Variants in KCNAB1 observed in about 807,000 individuals in gnomAD.
KCNAB1 encodes potassium voltage-gated channel subfamily A regulatory beta subunit 1, also known as voltage-gated potassium channel subunit beta-1.
In KCNAB1, 35 loss-of-function variants were observed where a neutral mutation model predicts 64.6. That is an observed-to-expected ratio of 0.54 (90% CI 0.41 to 0.72). The LOEUF (loss-of-function observed/expected upper bound fraction) is 0.72. KCNAB1 is among the 30% of genes least tolerant of loss of function. The pLI is 0.00. For missense variants in KCNAB1, 401 were observed against 512.9 expected (o/e 0.78, Z 2.11); for synonymous variants, 177 against 183.8 (o/e 0.96, Z 0.30).
At chr3:156,464,677 G>T (rs1713224324) in intron 6 of KCNAB1, among the ~76,000 whole-genome samples, 1 of 152,102 alleles carries the variant, frequency 6.6e-6, no homozygotes, top group South Asian at 2.1e-4. Context: ...CTATTTTGTT[G>T]TTGGTTTTGA....
chr3:156,532,518 A>G (rs978588922), intron 13 of KCNAB1, among the ~76,000 whole-genome samples: 10 of 152,356 alleles, frequency 6.6e-5, no homozygotes, highest in African/African-American at 2.4e-4. Flanking sequence ...TGCAACAAGC[A>G]CACAGCCCTG....
intron 1 of KCNAB1, among the ~76,000 whole-genome samples, chr3:156,318,391 T>A (rs2108020203): frequency 6.6e-6 from 1 of 152,250 alleles, no homozygotes; most frequent in East Asian, 1.9e-4. Context: ...TAGGCCTCTA[T>A]GAACCTAAAG....
intron 8 of KCNAB1, among the ~76,000 whole-genome samples, chr3:156,504,052 ATCC>A (rs900503716): frequency 1.4e-4 from 21 of 152,230 alleles, no homozygotes; most frequent in African/African-American, 4.6e-4. Context: ...AACTCTCCGT[ATCC>A]TCCTTTCCCT....
In KCNAB1 at chr3:156,169,227, C is replaced by T. The variant is rs140159614; in HGVS notation, c.275+48341C>T. ...TTAGAATCTTGAGTGCAACAAATGA[C>T]GAATAAAGCTCATTTAGTCTCAATA... On this transcript the variant is annotated intron_variant, in intron 1 of 13. Coordinates refer to ENST00000490337, the MANE Select transcript of KCNAB1 (RefSeq NM_172160.3). Among the ~76,000 whole-genome samples the T allele has an allele frequency of 2.1e-4, 32 of 152,186 alleles. No individual in the cohort carries two copies. In the East Asian group the frequency reaches 3.7e-3, roughly 17 times the overall value.
At chr3:156,488,210 C>A (rs1025868412) in intron 8 of KCNAB1, among the ~76,000 whole-genome samples, 3 of 151,416 alleles carry the variant, frequency 2.0e-5, no homozygotes, top group Non-Finnish European at 4.4e-5. Flanking sequence ...CCCTGTTGGG[C>A]ACATTCTTTC....
chr3:156,436,292 A>G (rs947675276), intron 2 of KCNAB1, among the ~76,000 whole-genome samples: 8 of 152,212 alleles, frequency 5.3e-5, no homozygotes, highest in African/African-American at 1.9e-4. Flanking sequence ...TATATATACC[A>G]GATTTTCTTT....
intron 1 of KCNAB1, among the ~76,000 whole-genome samples, chr3:156,400,436 A>G (rs1435755599): frequency 5.3e-5 from 8 of 152,190 alleles, no homozygotes; most frequent in South Asian, 2.1e-4. Flanking sequence ...CCTTCTTCCA[A>G]TCACAGCCTC....
At chr3:156,217,999 A>G (rs941945989) in intron 1 of KCNAB1, 1 of 152,302 alleles carries the variant, frequency 6.6e-6, no homozygotes, top group Non-Finnish European at 1.5e-5. Context: ...GGGAATCCAC[A>G]GACGCTCTGA....
At chr3:156,346,902 T>C (rs1193623921) in intron 1 of KCNAB1, among the ~76,000 whole-genome samples, 1 of 152,150 alleles carries the variant, frequency 6.6e-6, no homozygotes. Context: ...CATGCCATTG[T>C]CAAAAAACTT....
At chr3:156,222,411 G>A (rs954281921) in intron 1 of KCNAB1, among the ~76,000 whole-genome samples, 1 of 152,098 alleles carries the variant, frequency 6.6e-6, no homozygotes, top group Non-Finnish European at 1.5e-5. Context: ...TAACACTGGA[G>A]CTCCCAAATT....
At chr3:156,160,303 T>C (rs1368134711) in intron 1 of KCNAB1, among the ~76,000 whole-genome samples, 1 of 152,240 alleles carries the variant, frequency 6.6e-6, no homozygotes, top group African/African-American at 2.4e-5. Context: ...TTCTGAACAT[T>C]GACTTGTTTG....
chr3:156,200,034 G>A (rs938320197), intron 1 of KCNAB1, among the ~76,000 whole-genome samples: 7 of 152,182 alleles, frequency 4.6e-5, no homozygotes, highest in African/African-American at 1.7e-4. Flanking sequence ...TGATGCTGAT[G>A]TTATTGCTTT....
chr3:156,378,482 C>G (rs1317400118), intron 1 of KCNAB1, among the ~76,000 whole-genome samples: 1 of 152,196 alleles, frequency 6.6e-6, no homozygotes, highest in Non-Finnish European at 1.5e-5. Context: ...GTTGGCCTAT[C>G]TATCTCCCCT....
At chr3:156,273,719 C>CT (rs1002627806) in intron 1 of KCNAB1, 4 of 450,162 alleles carry the variant, frequency 8.9e-6, no homozygotes, top group African/African-American at 6.0e-5. Context: ...TAGGAAGGTG[C>CT]TTTTTTTGTG....
intron 1 of KCNAB1, among the ~76,000 whole-genome samples, chr3:156,243,907 A>G (rs1016485834): frequency 1.3e-5 from 2 of 152,184 alleles, no homozygotes; most frequent in African/African-American, 4.8e-5. Flanking sequence ...ACAGGCCAAG[A>G]GTGACTCCAA....
In KCNAB1 at chr3:156,537,311, T is replaced by A. The variant is rs996996771; in HGVS notation, c.*564T>A. On this transcript the variant is annotated 3_prime_UTR_variant, in exon 14 of 14. Coordinates refer to ENST00000490337, the MANE Select transcript of KCNAB1 (RefSeq NM_172160.3). ...AATAAGCAGAAATAATTTTATATAT[T>A]TTTTTTCTATTTTCACATTCATACT... 11 of 344,892 alleles carry A rather than the reference T, an allele frequency of 3.2e-5. No individual in the cohort carries two copies. The highest frequency in any genetic ancestry group is 1.1e-4 in the African/African-American group (5 of 47,564). 21.4% of individuals were successfully genotyped at this position (344,892 alleles called of 1,614,324 possible).
At chr3:156,417,059 A>G (rs1215496245) in intron 1 of KCNAB1, among the ~76,000 whole-genome samples, 2 of 152,224 alleles carry the variant, frequency 1.3e-5, no homozygotes, top group African/African-American at 2.4e-5. Context: ...TTACTTACCA[A>G]CAATGATGAA....
intron 1 of KCNAB1, among the ~76,000 whole-genome samples, chr3:156,204,243 C>T (rs1295167818): frequency 6.6e-6 from 1 of 152,232 alleles, no homozygotes; most frequent in Non-Finnish European, 1.5e-5. Context: ...GAGCCATGCA[C>T]TCCCAGGTGG....
chr3:156,492,067 AT>A (rs939503829), intron 8 of KCNAB1, among the ~76,000 whole-genome samples: 1 of 152,168 alleles, frequency 6.6e-6, no homozygotes, highest in African/African-American at 2.4e-5. Flanking sequence ...CTAGAATCCA[AT>A]TATCCAGAAT....
Sources: allele counts gnomAD v4.1 joint callset (sites outside exome capture counted in the v4.1 genomes callset), GRCh38; gene constraint gnomAD v4.1.1; transcripts MANE v1.5; gene names NCBI Gene and HGNC (gene_info 2026-07-23, HGNC 2026-07-21).